Variants in PCDHA1 observed in about 807,000 individuals in gnomAD.
PCDHA1 encodes the protein protocadherin alpha-1.
PCDHA1 carries 42 observed loss-of-function variants against 61.3 expected under a neutral mutation model. The observed-to-expected ratio is 0.69, with a 90% CI of 0.54 to 0.89. The LOEUF is 0.89. Ranked by LOEUF, PCDHA1 falls within the 40% of genes least tolerant of loss-of-function variation. The probability of loss-of-function intolerance (pLI) is 0.00; values close to 1 mark genes in which losing one functional copy is unlikely to be tolerated. For missense variants in PCDHA1, 1,256 were observed against 1,235.3 expected (o/e 1.02, Z -0.25); for synonymous variants, 610 against 553.8 (o/e 1.10, Z -1.43).
intron 1 of PCDHA1, among the ~76,000 whole-genome samples, chr5:140,881,902 A>T (rs2058862295): frequency 6.6e-6 from 1 of 152,262 alleles, no homozygotes; most frequent in African/African-American, 2.4e-5. Flanking sequence ...GTCAGCTAAT[A>T]TAAAATGTTG....
intron 1 of PCDHA1, chr5:140,870,969 C>T: frequency 1.2e-6 from 2 of 1,613,644 alleles, no homozygotes; most frequent in Non-Finnish European, 1.7e-6. Context: ...TCCCGTTCCG[C>T]GTGGGGCTGT....
intron 3 of PCDHA1, among the ~76,000 whole-genome samples, chr5:141,007,874 T>TA (rs2098349969): frequency 6.6e-6 from 1 of 152,244 alleles, no homozygotes; most frequent in African/African-American, 2.4e-5. Flanking sequence ...TCCTTTGTCT[T>TA]ACACTTCTTT....
chr5:140,901,148 CA>C (rs1244292469), intron 1 of PCDHA1, among the ~76,000 whole-genome samples: 17 of 152,076 alleles, frequency 1.1e-4, no homozygotes, highest in Non-Finnish European at 2.4e-4. Context: ...TATTTTCTCT[CA>C]ATCTGTGGGT....
intron 1 of PCDHA1, chr5:140,829,124 G>T: frequency 6.2e-7 from 1 of 1,612,286 alleles, no homozygotes; most frequent in East Asian, 2.2e-5. Flanking sequence ...GGATAAAAAT[G>T]ATAACGTCCC....
intron 1 of PCDHA1, chr5:140,882,695 G>T: frequency 6.2e-7 from 1 of 1,614,192 alleles, no homozygotes; most frequent in Non-Finnish European, 8.5e-7. Flanking sequence ...AATAATCATT[G>T]CAGAATCTAG....
At chr5:140,908,602 G>T (rs542051868) in intron 1 of PCDHA1, among the ~76,000 whole-genome samples, 67 of 152,202 alleles carry the variant, frequency 4.4e-4, no homozygotes, top group African/African-American at 1.3e-3. Context: ...AAGATGGAAG[G>T]GCCTTGCTCC....
chr5:140,838,387 G>A (rs1554137061), intron 1 of PCDHA1, among the ~76,000 whole-genome samples: 1 of 150,594 alleles, frequency 6.6e-6, no homozygotes, highest in African/African-American at 2.5e-5. Context: ...GCCTCCCAAT[G>A]TGCTGGGATT....
chr5:140,938,207 A>G (rs782001361), intron 1 of PCDHA1, among the ~76,000 whole-genome samples: 6 of 152,112 alleles, frequency 3.9e-5, no homozygotes, highest in Non-Finnish European at 8.8e-5. Flanking sequence ...CAGCCTCCCA[A>G]AGTGCTGGGA....
chr5:140,954,909 T>C (rs1309101151), intron 1 of PCDHA1, among the ~76,000 whole-genome samples: 3 of 152,164 alleles, frequency 2.0e-5, no homozygotes, highest in Admixed American at 6.5e-5. Flanking sequence ...TTTCATACTT[T>C]TATGAATTAC....
intron 1 of PCDHA1, chr5:140,876,781 G>A: frequency 6.2e-7 from 1 of 1,614,240 alleles, no homozygotes; most frequent in Non-Finnish European, 8.5e-7. Flanking sequence ...TTCGCTGTGG[G>A]CCACGGCTAG....
chr5:140,909,996 T>G (rs549464312), intron 1 of PCDHA1, among the ~76,000 whole-genome samples: 5 of 152,310 alleles, frequency 3.3e-5, no homozygotes, highest in African/African-American at 1.2e-4. Context: ...ACAGCATAAA[T>G]TGTTGTCAGT....
chr5:140,835,666 G>T, intron 1 of PCDHA1: 1 of 1,613,936 alleles, frequency 6.2e-7, no homozygotes, highest in Non-Finnish European at 8.5e-7. Context: ...GTTACCGCGC[G>T]GGACGGGGGC....
intron 3 of PCDHA1, among the ~76,000 whole-genome samples, chr5:141,006,017 G>A (rs139294218): frequency 1.3e-5 from 2 of 151,190 alleles, no homozygotes; most frequent in African/African-American, 4.8e-5. Context: ...TATGGTTGGA[G>A]TATAATAGTA....
chr5:140,883,841 C>T (rs2059844881), intron 1 of PCDHA1: 1 of 1,612,742 alleles, frequency 6.2e-7, no homozygotes, highest in Non-Finnish European at 8.5e-7. Context: ...GCCGTTGGAC[C>T]ACGAGGAGCT....
At chr5:140,801,213 C>A (rs1482637194) in intron 1 of PCDHA1, 5 of 1,605,496 alleles carry the variant, frequency 3.1e-6, no homozygotes, top group Non-Finnish European at 4.3e-6. Flanking sequence ...GTTCTCCTGG[C>A]GAGAAGATCC....
intron 1 of PCDHA1, chr5:140,966,228 A>G: frequency 3.6e-6 from 1 of 275,386 alleles, no homozygotes; most frequent in Admixed American, 5.3e-5. Context: ...AATCTCCTTA[A>G]AGACCCGTTA....
chr5:140,853,619 G>A lies in PCDHA1; in HGVS notation c.2394+64935G>A. 2 of 988,316 alleles carry A rather than the reference G, an allele frequency of 2.0e-6. 1 individual carries two copies. Among genetic ancestry groups the A allele is most frequent in the Non-Finnish European group, 2.4e-6 (2 of 820,378 alleles). 61.2% of individuals were successfully genotyped at this position (988,316 alleles called of 1,614,324 possible). ...AGAGCAAAGGGGGTGCTGTAAATAA[G>A]TATACAAGATCACAGACCTAAATTG... On this transcript the variant is annotated intron_variant, in intron 1 of 3. Transcript: ENST00000504120.
chr5:140,932,824 G>A (rs1484280278), intron 1 of PCDHA1, among the ~76,000 whole-genome samples: 4 of 151,902 alleles, frequency 2.6e-5, no homozygotes, highest in Admixed American at 6.6e-5. Context: ...AAGTGGGAAA[G>A]TATTGACAAT....
At chr5:140,928,994 T>G (rs781964406) in intron 1 of PCDHA1, 2 of 1,613,992 alleles carry the variant, frequency 1.2e-6, no homozygotes, top group Admixed American at 3.3e-5. Flanking sequence ...TGCTTACTTT[T>G]CTTCGTGTGT....
Sources: gnomAD v4.1 joint callset for allele counts (sites outside exome capture counted in the v4.1 genomes callset) on GRCh38, gnomAD v4.1.1 for gene constraint, MANE v1.5 for transcripts, NCBI Gene and HGNC (gene_info 2026-07-23, HGNC 2026-07-21) for gene names.